The following AKT3 variants were observed in gnomAD, a reference collection of about 807,000 sequenced individuals.
AKT3 encodes AKT serine/threonine kinase 3, also known as RAC-gamma serine/threonine-protein kinase.
A neutral mutation model predicts 65.3 loss-of-function variants in AKT3; 15 were observed. That is an observed-to-expected ratio of 0.23 (90% CI 0.15 to 0.35). The LOEUF is 0.35. Ranked by LOEUF, AKT3 falls within the 10% of genes least tolerant of loss-of-function variation. The pLI is 1.00. For synonymous variants in AKT3, 206 were observed against 183.8 expected (o/e 1.12, Z -0.98); for missense variants, 243 against 576.5 (o/e 0.42, Z 5.92).
chr1:243,841,236 ATAAT>A (rs1431313966), intron 2 of AKT3, among the ~76,000 whole-genome samples: 4 of 152,156 alleles, frequency 2.6e-5, no homozygotes, highest in African/African-American at 9.6e-5. Flanking sequence ...TTTCAAAGAT[ATAAT>A]TAATTAAACA....
At chr1:243,730,309 G>A (rs537572812) in intron 2 of AKT3, among the ~76,000 whole-genome samples, 1 of 152,166 alleles carries the variant, frequency 6.6e-6, no homozygotes, top group Non-Finnish European at 1.5e-5. Flanking sequence ...TCTCTGCTGA[G>A]CTGTTCTGCT....
At chr1:243,596,464 G>C (rs1170079431) in intron 8 of AKT3, among the ~76,000 whole-genome samples, 1 of 152,128 alleles carries the variant, frequency 6.6e-6, no homozygotes, top group African/African-American at 2.4e-5. Context: ...TATATGCAAT[G>C]GCAAAAAGTC....
Position 243,501,139 on chromosome 1 carries a change from C to CTCTG in AKT3, c.*4106_*4109dup. On this transcript the variant is annotated 3_prime_UTR_variant, in exon 14 of 14. Transcript: ENST00000673466. ...CTCACTCTGGTCCCAAAAGCCATTC[C>CTCTG]TCTGTCTGGCTTCGTCACAGGAGCA... 1 of 231,370 alleles carries CTCTG rather than the reference C, an allele frequency of 4.3e-6. No individual in the cohort carries two copies. The highest frequency in any genetic ancestry group is 6.1e-5 in the East Asian group (1 of 16,292). 14.3% of individuals were successfully genotyped at this position (231,370 alleles called of 1,614,324 possible).
chr1:243,774,363 C>T (rs1420652493), intron 2 of AKT3, among the ~76,000 whole-genome samples: 1 of 152,072 alleles, frequency 6.6e-6, no homozygotes, highest in Non-Finnish European at 1.5e-5. Context: ...TGTATAAAAT[C>T]ACAGCTTTGA....
At chr1:243,595,990 T>A (rs1163535814) in intron 8 of AKT3, among the ~76,000 whole-genome samples, 1 of 152,232 alleles carries the variant, frequency 6.6e-6, no homozygotes, top group Non-Finnish European at 1.5e-5. Flanking sequence ...CAGGTTTGCT[T>A]ACACCAGCAT....
intron 8 of AKT3, among the ~76,000 whole-genome samples, chr1:243,594,085 T>C (rs1416418298): frequency 6.6e-6 from 1 of 152,156 alleles, no homozygotes; most frequent in Non-Finnish European, 1.5e-5. Context: ...CTAGAACTAA[T>C]AAGTGAGCTT....
chr1:243,700,286 G>A (rs143646267), intron 2 of AKT3, among the ~76,000 whole-genome samples: 1 of 152,164 alleles, frequency 6.6e-6, no homozygotes, highest in African/African-American at 2.4e-5. Context: ...TAAATTATGA[G>A]GGTGGAAGAA....
chr1:243,775,615 T>G (rs1350327715), intron 2 of AKT3, among the ~76,000 whole-genome samples: 1 of 152,116 alleles, frequency 6.6e-6, no homozygotes, highest in Non-Finnish European at 1.5e-5. Context: ...AACGAAAGAA[T>G]AGGAATTCTT....
chr1:243,605,442 A>G (rs1029902735), intron 8 of AKT3, among the ~76,000 whole-genome samples: 3 of 152,198 alleles, frequency 2.0e-5, no homozygotes, highest in African/African-American at 7.2e-5. Context: ...CTATGCATGG[A>G]AAGTAGGAAG....
intron 2 of AKT3, among the ~76,000 whole-genome samples, chr1:243,706,398 A>T (rs1362283398): frequency 6.6e-6 from 1 of 152,190 alleles, no homozygotes; most frequent in Non-Finnish European, 1.5e-5. Flanking sequence ...GTGCTTGCTC[A>T]TCAGGAGGTG....
At chr1:243,792,288 G>A (rs1272717672) in intron 2 of AKT3, among the ~76,000 whole-genome samples, 1 of 72,026 alleles carries the variant, frequency 1.4e-5, no homozygotes, top group African/African-American at 5.6e-5. Context: ...ATTATTTGTG[G>A]GGAAACAATT....
intron 12 of AKT3, among the ~76,000 whole-genome samples, chr1:243,540,397 T>C (rs182279848): frequency 6.6e-6 from 1 of 152,300 alleles, no homozygotes; most frequent in Non-Finnish European, 1.5e-5. Flanking sequence ...TACCCATTCA[T>C]GATTTTAAAA....
chr1:243,577,878 A>G (rs1675056951), intron 8 of AKT3, among the ~76,000 whole-genome samples: 1 of 152,234 alleles, frequency 6.6e-6, no homozygotes, highest in Non-Finnish European at 1.5e-5. Flanking sequence ...GGCAAAGGAC[A>G]TGAGCAGACA....
chr1:243,505,751 T>C (rs1669628567), intron 13 of AKT3, among the ~76,000 whole-genome samples: 1 of 152,250 alleles, frequency 6.6e-6, no homozygotes, highest in African/African-American at 2.4e-5. Flanking sequence ...AGTGCTTATA[T>C]TTTTTCTTTG....
At chr1:243,784,013 T>C (rs1691086153) in intron 2 of AKT3, among the ~76,000 whole-genome samples, 1 of 152,122 alleles carries the variant, frequency 6.6e-6, no homozygotes, top group Admixed American at 6.5e-5. Flanking sequence ...CTCATATTAA[T>C]ACACTGAACT....
intron 12 of AKT3, among the ~76,000 whole-genome samples, chr1:243,529,123 G>A (rs1019257219): frequency 1.4e-5 from 2 of 146,082 alleles, no homozygotes; most frequent in South Asian, 2.2e-4. Flanking sequence ...GTCTGTCCAT[G>A]TCCCTTGCCC....
chr1:243,723,014 A>T (rs1572230187), intron 2 of AKT3, among the ~76,000 whole-genome samples: 1 of 152,368 alleles, frequency 6.6e-6, no homozygotes, highest in East Asian at 1.9e-4. Flanking sequence ...AAGGTCTGAA[A>T]AACAATTTAT....
chr1:243,613,641 T>G, intron 8 of AKT3, 30 bp downstream of exon 8: 1 of 1,503,226 alleles, frequency 6.7e-7, no homozygotes, highest in Non-Finnish European at 9.1e-7. Flanking sequence ...AATACTACCA[T>G]GCAAATACTG....
At chr1:243,778,716 A>G (rs1428383098) in intron 2 of AKT3, among the ~76,000 whole-genome samples, 1 of 152,196 alleles carries the variant, frequency 6.6e-6, no homozygotes, top group Non-Finnish European at 1.5e-5. Context: ...CAAAAATCAA[A>G]CGTTAAAAAG....
Sources: allele counts gnomAD v4.1 joint callset (sites outside exome capture counted in the v4.1 genomes callset), GRCh38; gene constraint gnomAD v4.1.1; transcripts MANE v1.5; gene names NCBI Gene and HGNC (gene_info 2026-07-23, HGNC 2026-07-21).